RNF43: variants seen among roughly 807,000 people sequenced by gnomAD.
RNF43 encodes the protein ring finger protein 43, also known as E3 ubiquitin-protein ligase RNF43.
A neutral mutation model predicts 78.4 loss-of-function variants in RNF43; 37 were observed. The ratio of observed to expected loss-of-function variants is 0.47; its 90% CI spans 0.36 to 0.62. The LOEUF (loss-of-function observed/expected upper bound fraction) is 0.62. Ranked by LOEUF, RNF43 falls within the 20% of genes least tolerant of loss-of-function variation. RNF43 has a pLI of 0.00. For synonymous variants in RNF43, 347 were observed against 395.0 expected, an observed-to-expected ratio of 0.88 and a Z score of 1.44; for missense variants, 774 against 1,007.9, an observed-to-expected ratio of 0.77 and a Z score of 3.14.
At chr17:58,388,701 G>C (rs1283570926) in intron 2 of RNF43, among the ~76,000 whole-genome samples, 2 of 114,996 alleles carry the variant, frequency 1.7e-5, no homozygotes, top group Admixed American at 7.9e-5. Context: ...TACAGGATTT[G>C]TCAAGGAGAT....
intron 2 of RNF43, among the ~76,000 whole-genome samples, chr17:58,410,072 T>C (rs1450479362): frequency 8.1e-6 from 1 of 122,908 alleles, no homozygotes. Context: ...ATGGGAGCAA[T>C]AGCCAGGGAC....
At chr17:58,370,351 C>A (rs765343955) in intron 3 of RNF43, among the ~76,000 whole-genome samples, 38 of 152,002 alleles carry the variant, frequency 2.5e-4, no homozygotes, top group East Asian at 1.5e-3. Context: ...TATAGGCGTG[C>A]GCCACCACGC....
Position 58,415,552 on chromosome 17 carries a change from A to T in RNF43, c.26T>A (p.Leu9Gln), listed in dbSNP as rs2143697644. 2 of 1,609,398 alleles carry T rather than the reference A, an allele frequency of 1.2e-6. No homozygotes were observed. The highest frequency in any genetic ancestry group is 1.7e-6 in the Non-Finnish European group (2 of 1,179,994). The change falls in exon 2 of 10, where the codon CTG (leucine) becomes CAG (glutamine). Residue 9 changes from leucine to glutamine, a missense_variant. Leu to Gln is a moderately radical substitution (Grantham distance 113). Transcript: ENST00000407977. ...CAGCAGCCAGGGCCAGAGGGCAGCC[A>T]GCTGCAGCTGGTGGCCACCACTCAT... MSGGHQLQ[L>Q]AALWPWLLMA...
rs2143448893 is a variant in RNF43, at chr17:58,360,954, G to A, written c.688-10C>T. The stretch of plus-strand genomic sequence containing the variant: ...TCTGCTGAAGCGGATCCTGGGAAGA[G>A]GAATGGGGCTCAGATTGGGGCATGG... On this transcript the variant is annotated splice_polypyrimidine_tract_variant and intron_variant, in intron 6 of 9. Transcript: ENST00000407977. This position sits in a 1 kb window ranked among gnomAD's most constrained non-coding sequence, Gnocchi z 4.3. The A allele has an allele frequency of 6.5e-7, 1 of 1,550,006 alleles. No individual in the cohort carries two copies. Among genetic ancestry groups the A allele is most frequent in the Non-Finnish European group, 8.7e-7 (1 of 1,143,156 alleles).
intron 2 of RNF43, among the ~76,000 whole-genome samples, chr17:58,384,918 T>A (rs1973400253): frequency 6.6e-6 from 1 of 152,216 alleles, no homozygotes; most frequent in African/African-American, 2.4e-5. Flanking sequence ...ATTTCCTCCC[T>A]AACAGAGTTG....
Position 58,417,352 on chromosome 17 carries a change from T to C in RNF43, c.-721A>G, listed in dbSNP as rs556814069. ...GTTCTTTTTTTCTCCAAACAGCATATAAAATGATCAAGTCTTGAAAGAGAA... is the reference window on the plus strand; with the variant it reads ...GTTCTTTTTTTCTCCAAACAGCATACAAAATGATCAAGTCTTGAAAGAGAA... On this transcript the variant is annotated 5_prime_UTR_variant, in exon 1 of 10. Coordinates refer to ENST00000407977, the MANE Select transcript of RNF43 (RefSeq NM_017763.6). 6 of 152,286 alleles carry C rather than the reference T, an allele frequency of 3.9e-5. No homozygotes were observed. The highest frequency in any genetic ancestry group is 1.2e-4 in the African/African-American group (5 of 41,548). 9.4% of individuals were successfully genotyped at this position (152,286 alleles called of 1,614,324 possible).
intron 2 of RNF43, among the ~76,000 whole-genome samples, chr17:58,374,363 G>A (rs566026650): frequency 8.9e-4 from 134 of 151,312 alleles, no homozygotes; most frequent in Middle Eastern, 3.5e-3. Context: ...TGACCCCCGG[G>A]ATTCTTAGAC....
At chr17:58,388,314 T>C (rs1443810487) in intron 2 of RNF43, among the ~76,000 whole-genome samples, 2 of 152,198 alleles carry the variant, frequency 1.3e-5, no homozygotes, top group Non-Finnish European at 2.9e-5. Flanking sequence ...GCCTGCACAT[T>C]ATCAGACCTG....
intron 2 of RNF43, among the ~76,000 whole-genome samples, chr17:58,404,644 A>T (rs1973869103): frequency 6.6e-6 from 1 of 152,222 alleles, no homozygotes; most frequent in Non-Finnish European, 1.5e-5. Context: ...CAGGAATAAC[A>T]CACATTTATG....
chr17:58,371,840 G>A (rs753707252), intron 2 of RNF43, among the ~76,000 whole-genome samples: 1 of 152,216 alleles, frequency 6.6e-6, no homozygotes, highest in Non-Finnish European at 1.5e-5. Context: ...AAAGGAGAAC[G>A]TGCTGACAGA....
At chr17:58,397,764 A>C (rs1424870622) in intron 2 of RNF43, among the ~76,000 whole-genome samples, 1 of 152,150 alleles carries the variant, frequency 6.6e-6, no homozygotes, top group Non-Finnish European at 1.5e-5. Context: ...TTAAAATGAG[A>C]CCGCAGTCAA....
In RNF43 at chr17:58,353,843, A is replaced by C. The variant is rs942293587; in HGVS notation, c.*1100T>G. On this transcript the variant is annotated 3_prime_UTR_variant, in exon 10 of 10. Coordinates refer to ENST00000407977, the MANE Select transcript of RNF43 (RefSeq NM_017763.6). The stretch of plus-strand genomic sequence containing the variant: ...GGGGTCCTCTGCCCACTTTGCCACC[A>C]CATTCACATTCCAAATGGGATAATG... 2.1e-5 allele frequency: 4 copies of C among 193,902 alleles called. No individual in the cohort carries two copies. Among genetic ancestry groups the C allele is most frequent in the African/African-American group, 9.3e-5 (4 of 43,058 alleles). The allele number at this position is 193,902 out of a possible 1,614,324, so 12.0% of individuals were successfully genotyped here.
rs764576439 is a variant in RNF43, at chr17:58,363,420, G to C, written c.451-14C>G. On this transcript the variant is annotated splice_polypyrimidine_tract_variant and intron_variant, in intron 4 of 9. Coordinates refer to ENST00000407977, the MANE Select transcript of RNF43 (RefSeq NM_017763.6). ...CGGCTGCTGCAGCTACAGGGGGAAAGTGCCCACAGGGCTGCTGTGACTTCT... is the reference window on the plus strand; with the variant it reads ...CGGCTGCTGCAGCTACAGGGGGAAACTGCCCACAGGGCTGCTGTGACTTCT... 1 of 1,614,156 alleles carries C rather than the reference G, an allele frequency of 6.2e-7. No individual in the cohort carries two copies. The highest frequency in any genetic ancestry group is 8.5e-7 in the Non-Finnish European group (1 of 1,179,998).
At chr17:58,362,236 G>A (rs1972850138) in intron 6 of RNF43, among the ~76,000 whole-genome samples, 1 of 151,926 alleles carries the variant, frequency 6.6e-6, no homozygotes, top group Admixed American at 6.6e-5. Context: ...TCTGTTTATT[G>A]TCTGTTTTTT....
At chr17:58,382,253 C>T (rs2143566211) in intron 2 of RNF43, among the ~76,000 whole-genome samples, 1 of 152,238 alleles carries the variant, frequency 6.6e-6, no homozygotes, top group East Asian at 1.9e-4. Flanking sequence ...AATCTGAGCT[C>T]CTTGAGGTCA....
chr17:58,415,806 G>T lies in RNF43; in HGVS notation c.-229C>A. On this transcript the variant is annotated 5_prime_UTR_variant, in exon 2 of 10. It introduces an in-frame stop codon into an upstream open reading frame of the 5' UTR. Transcript: ENST00000407977. ...TATTTTCAGCCCACATCTGCTGCAGGTATGTCATTTTCTCCCATCTTCACT... is the reference window on the plus strand; with the variant it reads ...TATTTTCAGCCCACATCTGCTGCAGTTATGTCATTTTCTCCCATCTTCACT... 1 of 573,304 alleles carries T rather than the reference G, an allele frequency of 1.7e-6. No individual in the cohort carries two copies. Among genetic ancestry groups the T allele is most frequent in the Admixed American group, 3.0e-5 (1 of 32,820 alleles). The allele number at this position is 573,304 out of a possible 1,614,324, so 35.5% of individuals were successfully genotyped here.
Position 58,415,774 on chromosome 17 carries a change from A to G in RNF43, c.-197T>C. 2 of 621,538 alleles carry G rather than the reference A, an allele frequency of 3.2e-6. No homozygotes were observed. Among genetic ancestry groups the G allele is most frequent in the Non-Finnish European group, 5.6e-6 (2 of 357,964 alleles). 38.5% of individuals were successfully genotyped at this position (621,538 alleles called of 1,614,324 possible). ...AGGTAGCATTCCTGATTGGGCAGAG[A>G]AGAGGATATTTTCAGCCCACATCTG... On this transcript the variant is annotated 5_prime_UTR_variant, in exon 2 of 10. Transcript: ENST00000407977.
chr17:58,381,322 C>A (rs1278479025), intron 2 of RNF43, among the ~76,000 whole-genome samples: 2 of 152,208 alleles, frequency 1.3e-5, no homozygotes, highest in Non-Finnish European at 2.9e-5. Flanking sequence ...TTGGAGATAG[C>A]CCAAGGGCTC....
In RNF43 at chr17:58,358,309, C is replaced by G. The variant is rs766694520; in HGVS notation, c.1467G>C (p.Gly489=). 1 of 1,614,116 alleles carries G rather than the reference C, an allele frequency of 6.2e-7. No individual in the cohort carries two copies. The highest frequency in any genetic ancestry group is 8.5e-7 in the Non-Finnish European group (1 of 1,180,002). Residue 489 remains glycine (G), a synonymous_variant, in exon 9 of 10, where the codon GGG becomes GGC. Transcript: ENST00000407977. This position sits in a 1 kb window ranked among gnomAD's most constrained non-coding sequence, Gnocchi z 6.2. ...VVNCTDISLQ[G]VHGSSSTFCS... ...AGAAAGTAGAACTGCTGCCATGGAC[C>G]CCCTGTAGGCTGATGTCCGTGCAGT...
Sources: gnomAD v4.1 joint callset for allele counts (sites outside exome capture counted in the v4.1 genomes callset) on GRCh38, gnomAD v4.1.1 for gene constraint, Gnocchi (gnomAD v3.1) non-coding constraint, MANE v1.5 for transcripts, NCBI Gene and HGNC (gene_info 2026-07-23, HGNC 2026-07-21) for gene names.